SART1: variants seen among roughly 807,000 people sequenced by gnomAD.
SART1 encodes U4/U6.U5 tri-snRNP-associated protein 1.
Under a neutral mutation model 105.0 loss-of-function variants are expected in SART1, and 28 were observed. The ratio of observed to expected loss-of-function variants is 0.27; its 90% CI spans 0.20 to 0.37. The LOEUF (loss-of-function observed/expected upper bound fraction) is 0.37, where lower values mean the gene tolerates loss of function less well. Ranked by LOEUF, SART1 falls within the 10% of genes least tolerant of loss-of-function variation. The pLI is 1.00. For synonymous variants in SART1, 472 were observed against 462.9 expected, an observed-to-expected ratio of 1.02 and a Z score of -0.25; for missense variants, 894 against 1,106.5, an observed-to-expected ratio of 0.81 and a Z score of 2.72.
In SART1 at chr11:65,962,110, T is replaced by TG; in HGVS notation, c.313+18dup. The TG allele has an allele frequency of 9.8e-6, 1 of 102,468 alleles. No individual in the cohort carries two copies. Among genetic ancestry groups the TG allele is most frequent in the Non-Finnish European group, 1.6e-5 (1 of 62,250 alleles). The allele number at this position is 102,468 out of a possible 1,614,324, so 6.3% of individuals were successfully genotyped here. On this transcript the variant is annotated intron_variant, in intron 1 of 19. Coordinates refer to ENST00000312397, the MANE Select transcript of SART1 (RefSeq NM_005146.5). ...ACGAGGCCGGTGAGGAGGCGGGGCC[T>TG]GCGCAGGGGGCGGGTCGGGCGGGGG...
intron 1 of SART1, among the ~76,000 whole-genome samples, chr11:65,962,650 T>C (rs1855171012): frequency 1.3e-5 from 2 of 152,016 alleles, no homozygotes; most frequent in African/African-American, 4.8e-5. Flanking sequence ...TGGATGTGAG[T>C]TGAGGAGTGA....
At chr11:65,966,815 CTGGGGCACCCCA>C (rs1282433219) in intron 9 of SART1, among the ~76,000 whole-genome samples, 4 of 152,192 alleles carry the variant, frequency 2.6e-5, no homozygotes, top group Non-Finnish European at 5.9e-5. Context: ...AACTGTGAGC[CTGGGGCACCCCA>C]TCTGGAATGG....
At position 65,978,970 on chromosome 11, in the gene SART1, G is replaced by GTGCCCGCCTC. The variant is rs1210179779; in HGVS notation, c.2385-38_2385-29dup. The GTGCCCGCCTC allele has an allele frequency of 3.1e-6, 5 of 1,613,554 alleles. No individual in the cohort carries two copies. Among genetic ancestry groups the GTGCCCGCCTC allele is most frequent in the Admixed American group, 3.3e-5 (2 of 60,006 alleles). On this transcript the variant is annotated intron_variant, in intron 19 of 19. Transcript: ENST00000312397. The surrounding 1 kb of genome is among the most constrained non-coding windows in gnomAD (Gnocchi z 6.8). ...GTGGTGGGGAGGGGTGGCGTGGCCT[G>GTGCCCGCCTC]TGCCCGCCTCTGCAGCCTCACGCCC...
chr11:65,977,653 T>C lies in SART1; in HGVS notation c.2036T>C (p.Met679Thr). The change falls in exon 16 of 20, where the codon ATG becomes ACG. Residue 679 changes from methionine (M) to threonine (T), a missense_variant and splice_region_variant. This residue lies in a region of SART1 where 182 missense variants were observed against 328.3 expected (regional missense o/e 0.55). Transcript: ENST00000312397. Reference sequence around the variant, plus strand: ...GCCGTGTACTGCATCGAGGATAAGATGTGAGTGTGGTGGGGCCTGTGCAGG... The same window carrying C: ...GCCGTGTACTGCATCGAGGATAAGACGTGAGTGTGGTGGGGCCTGTGCAGG... ...PSAVYCIEDK[M>T]AIDDKYSRRE... The C allele has an allele frequency of 6.2e-7, 1 of 1,613,838 alleles. No individual in the cohort carries two copies. Among genetic ancestry groups the C allele is most frequent in the Non-Finnish European group, 8.5e-7 (1 of 1,179,940 alleles).
intron 12 of SART1, among the ~76,000 whole-genome samples, chr11:65,973,395 C>A (rs776095245): frequency 6.6e-6 from 1 of 151,990 alleles, no homozygotes; most frequent in Non-Finnish European, 1.5e-5. Flanking sequence ...GAAGAGAAAG[C>A]CTAACTCACC....
Position 65,976,382 on chromosome 11 carries a change from C to T in SART1, c.1573-13C>T, listed in dbSNP as rs1855481147. 1.3e-6 allele frequency: 2 copies of T among 1,522,070 alleles called. No homozygotes were observed. The highest frequency in any genetic ancestry group is 1.4e-5 in the African/African-American group (1 of 71,892). The allele number at this position is 1,522,070 out of a possible 1,614,324, so 94.3% of individuals were successfully genotyped here. On this transcript the variant is annotated splice_polypyrimidine_tract_variant and intron_variant, in intron 12 of 19. Coordinates refer to ENST00000312397, the MANE Select transcript of SART1 (RefSeq NM_005146.5). This position sits in a 1 kb window ranked among gnomAD's most constrained non-coding sequence, Gnocchi z 5.1. ...AAACTGCTGGGTTTGCCCACAGCCG[C>T]TCCCTCCCCCAGGTGGTGGAGATTG...
intron 12 of SART1, among the ~76,000 whole-genome samples, chr11:65,968,322 C>G (rs992583452): frequency 4.6e-5 from 7 of 152,174 alleles, no homozygotes; most frequent in African/African-American, 1.7e-4. Context: ...TTCCTTGCCT[C>G]TCTCTTCTGT....
rs1235934352 is a variant in SART1, at chr11:65,969,812, TCC to T, written c.1572+1993_1572+1994del. Among the ~76,000 whole-genome samples the T allele has an allele frequency of 6.6e-5, 10 of 152,344 alleles. No homozygotes were observed. In the East Asian group the frequency reaches 1.9e-3, roughly 29 times the overall value. ...ATCTCGGCTCACTGCAACCTCCATG[TCC>T]CGGGCTCAAGCAATTCTCCTGCCTC... On this transcript the variant is annotated intron_variant, in intron 12 of 19. Transcript: ENST00000312397.
Position 65,966,211 on chromosome 11 carries a change from T to C in SART1, c.974T>C (p.Leu325Pro). Residue 325 changes from leucine to proline, a missense_variant, in exon 8 of 20, where the codon CTG becomes CCG. Physicochemically the swap from Leu to Pro is moderately conservative, Grantham distance 98. Coordinates refer to ENST00000312397, the MANE Select transcript of SART1 (RefSeq NM_005146.5). ...PYAEDESVDD[L>P]AQQKPRSILS... ...GCCGAGGACGAGAGCGTGGACGACC[T>C]GGCGCAGGCACGGCCTGGGCAGGCT... 1 of 1,613,946 alleles carries C rather than the reference T, an allele frequency of 6.2e-7. No homozygotes were observed. The highest frequency in any genetic ancestry group is 1.1e-5 in the South Asian group (1 of 91,078).
Position 65,976,786 on chromosome 11 carries a change from G to C in SART1, c.1857+20G>C, listed in dbSNP as rs376847340. ...CAGGATGTGAGGGCCGCGCCGCTGG[G>C]GGGTGGGCGTTTGGGGGTGCTCAAG... is the stretch of plus-strand genomic sequence containing the variant. On this transcript the variant is annotated intron_variant, in intron 14 of 19. Transcript: ENST00000312397. The surrounding 1 kb of genome is among the most constrained non-coding windows in gnomAD (Gnocchi z 5.1). 66 of 1,580,256 alleles carry C rather than the reference G, an allele frequency of 4.2e-5. 1 individual carries two copies. Among genetic ancestry groups the C allele is most frequent in the South Asian group, 1.8e-4 (16 of 87,972 alleles).
chr11:65,962,126 C>CCCGGCGGGGGGGGGGGGGG, intron 1 of SART1, 33 bp downstream of exon 1: 1 of 25,828 alleles, frequency 3.9e-5, no homozygotes, highest in Non-Finnish European at 6.4e-5. Context: ...GGGGGCGGGT[C>CCCGGCGGGGGGGGGGGGGG]GGGCGGGGGT....
Position 65,978,466 on chromosome 11 carries a change from T to TC in SART1, c.2173-130dup, listed in dbSNP as rs1855527660. 1 of 826,572 alleles carries TC rather than the reference T, an allele frequency of 1.2e-6. No homozygotes were observed. The highest frequency in any genetic ancestry group is 2.2e-5 in the Admixed American group (1 of 46,510). 51.2% of individuals were successfully genotyped at this position (826,572 alleles called of 1,614,324 possible). Reference sequence around the variant, plus strand: ...TGCCAGCGTCTGTGCTCTTTTCCCATCCCCTTCCCACTGCACCCCAGGCCT... The same window carrying TC: ...TGCCAGCGTCTGTGCTCTTTTCCCATCCCCCTTCCCACTGCACCCCAGGCCT... On this transcript the variant is annotated intron_variant, in intron 17 of 19. Transcript: ENST00000312397. The surrounding 1 kb of genome is among the most constrained non-coding windows in gnomAD (Gnocchi z 6.8).
At chr11:65,972,971 C>A (rs1023329592) in intron 12 of SART1, among the ~76,000 whole-genome samples, 2 of 152,052 alleles carry the variant, frequency 1.3e-5, no homozygotes, top group Admixed American at 6.6e-5. Context: ...GGAGATGAGA[C>A]CATCCTGGTC....
intron 12 of SART1, among the ~76,000 whole-genome samples, chr11:65,971,856 G>C (rs1202088224): frequency 6.6e-6 from 1 of 152,070 alleles, no homozygotes; most frequent in Non-Finnish European, 1.5e-5. Context: ...AGAATTACTG[G>C]ATTGAAGTTA....
intron 12 of SART1, among the ~76,000 whole-genome samples, chr11:65,974,829 A>G (rs899178358): frequency 2.6e-5 from 4 of 152,066 alleles, no homozygotes; most frequent in African/African-American, 9.7e-5. Context: ...AGGTCAGGAG[A>G]TGGAGACCAT....
At chr11:65,977,717 A>G in intron 16 of SART1, 47 bp from the exon 17 acceptor site, 1 of 1,613,882 alleles carries the variant, frequency 6.2e-7, no homozygotes, top group Non-Finnish European at 8.5e-7. Flanking sequence ...TCGGGACCAC[A>G]GCAGGCGGCA....
In SART1 at chr11:65,979,578, C is replaced by G. The variant is rs1450925167; in HGVS notation, c.*548C>G. The G allele has an allele frequency of 6.3e-6, 1 of 158,290 alleles. No homozygotes were observed. The highest frequency in any genetic ancestry group is 2.4e-5 in the African/African-American group (1 of 41,524). The allele number at this position is 158,290 out of a possible 1,614,324, so 9.8% of individuals were successfully genotyped here. A position where few individuals can be genotyped will look rare whatever the true frequency, so the allele number is the denominator to read the frequency against. ...GCTGAGCTCAGTGCCTCCTGGGAGACTTGTCCCGTGTACAGTGACCCAGAA... is the reference window on the plus strand; with the variant it reads ...GCTGAGCTCAGTGCCTCCTGGGAGAGTTGTCCCGTGTACAGTGACCCAGAA... On this transcript the variant is annotated 3_prime_UTR_variant, in exon 20 of 20. Coordinates refer to ENST00000312397, the MANE Select transcript of SART1 (RefSeq NM_005146.5).
In SART1 at chr11:65,961,905, G is replaced by A. The variant is rs747212737; in HGVS notation, c.125G>A (p.Ser42Asn). The change falls in exon 1 of 20, where the codon AGT becomes AAT. Residue 42 changes from serine (S) to asparagine (N), a missense_variant. Coordinates refer to ENST00000312397, the MANE Select transcript of SART1 (RefSeq NM_005146.5). The stretch of plus-strand genomic sequence containing the variant: ...GAACACAAAAAACACAAGCACCGGA[G>A]TGGCGGCAGTGGCGGTAGCGGTGGC... ...HREHKKHKHRSGGSGGSGGER... is the reference protein window; with the variant it reads ...HREHKKHKHRNGGSGGSGGER... 6.5e-7 allele frequency: 1 copy of A among 1,540,432 alleles called. No homozygotes were observed. Among genetic ancestry groups the A allele is most frequent in the Non-Finnish European group, 8.8e-7 (1 of 1,140,366 alleles).
intron 12 of SART1, among the ~76,000 whole-genome samples, chr11:65,975,018 C>T (rs1445720031): frequency 4.6e-5 from 7 of 151,358 alleles, no homozygotes; most frequent in South Asian, 2.1e-4. Flanking sequence ...CCAGCCTGGG[C>T]GACAAAGTGA....
Sources: gnomAD v4.1 joint callset for allele counts (sites outside exome capture counted in the v4.1 genomes callset) on GRCh38, gnomAD v4.1.1 for gene constraint, gnomAD v4.1.1 regional missense constraint, Gnocchi (gnomAD v3.1) non-coding constraint, MANE v1.5 for transcripts, NCBI Gene and HGNC (gene_info 2026-07-23, HGNC 2026-07-21) for gene names.